The following CDKAL1 variants were observed in gnomAD, a reference collection of about 807,000 sequenced individuals.
CDKAL1 encodes the protein CDKAL1 threonylcarbamoyladenosine tRNA methylthiotransferase, also known as threonylcarbamoyladenosine tRNA methylthiotransferase.
CDKAL1 carries 32 observed loss-of-function variants against 68.2 expected under a neutral mutation model. The observed-to-expected ratio is 0.47, with a 90% CI of 0.35 to 0.63. The LOEUF is 0.63. CDKAL1 is among the 30% of genes least tolerant of loss of function. CDKAL1 has a pLI of 0.00. For synonymous variants in CDKAL1, 234 were observed against 244.3 expected, an observed-to-expected ratio of 0.96 and a Z score of 0.39; for missense variants, 606 against 696.7, an observed-to-expected ratio of 0.87 and a Z score of 1.47.
intron 6 of CDKAL1, among the ~76,000 whole-genome samples, chr6:20,753,812 A>G (rs1262847246): frequency 6.6e-6 from 1 of 152,186 alleles, no homozygotes; most frequent in Non-Finnish European, 1.5e-5. Context: ...TGACATTACT[A>G]AATTATATGG....
intron 9 of CDKAL1, among the ~76,000 whole-genome samples, chr6:20,860,687 G>C (rs1759567448): frequency 6.6e-6 from 1 of 151,972 alleles, no homozygotes; most frequent in South Asian, 2.1e-4. Context: ...AGCTGGGCGT[G>C]GTGGCACGCA....
intron 15 of CDKAL1, among the ~76,000 whole-genome samples, chr6:21,223,269 T>C (rs1488671828): frequency 2.0e-5 from 3 of 152,202 alleles, no homozygotes; most frequent in Non-Finnish European, 2.9e-5. Context: ...CTGTACTTAG[T>C]ATGAGTAAAG....
At chr6:20,619,455 G>A (rs953515746) in intron 4 of CDKAL1, among the ~76,000 whole-genome samples, 5 of 152,020 alleles carry the variant, frequency 3.3e-5, no homozygotes, top group African/African-American at 1.2e-4. Context: ...AATGTATATA[G>A]GCTTCTAAAC....
At chr6:21,179,444 G>A (rs968906750) in intron 13 of CDKAL1, among the ~76,000 whole-genome samples, 21 of 152,132 alleles carry the variant, frequency 1.4e-4, no homozygotes, top group African/African-American at 5.1e-4. Context: ...TCCTCAAGGG[G>A]CATTTATTTC....
At chr6:20,688,847 G>A (rs1311784238) in intron 5 of CDKAL1, among the ~76,000 whole-genome samples, 5 of 152,212 alleles carry the variant, frequency 3.3e-5, no homozygotes, top group African/African-American at 9.7e-5. Flanking sequence ...CTGAGAAACA[G>A]AAACTGGTAT....
chr6:20,898,805 G>A (rs1306389842), intron 9 of CDKAL1, among the ~76,000 whole-genome samples: 1 of 151,890 alleles, frequency 6.6e-6, no homozygotes, highest in Non-Finnish European at 1.5e-5. Context: ...TATGATTAAA[G>A]CTTTTATAAA....
intron 8 of CDKAL1, among the ~76,000 whole-genome samples, chr6:20,821,389 T>TC (rs770910511): frequency 6.6e-6 from 1 of 152,116 alleles, no homozygotes; most frequent in Non-Finnish European, 1.5e-5. Context: ...AGAACACTCT[T>TC]CTGCCAGCTG....
chr6:20,704,737 T>C (rs1226977044), intron 5 of CDKAL1, among the ~76,000 whole-genome samples: 1 of 152,234 alleles, frequency 6.6e-6, no homozygotes, highest in Non-Finnish European at 1.5e-5. Context: ...GTTAATTTGC[T>C]CATTGTTTCT....
At chr6:21,017,206 G>A (rs1318158031) in intron 11 of CDKAL1, among the ~76,000 whole-genome samples, 8 of 152,106 alleles carry the variant, frequency 5.3e-5, no homozygotes, top group Non-Finnish European at 1.2e-4. Flanking sequence ...TATAACATAA[G>A]GAGTATTTTT....
At chr6:20,818,824 C>T (rs1443806581) in intron 8 of CDKAL1, among the ~76,000 whole-genome samples, 1 of 151,074 alleles carries the variant, frequency 6.6e-6, no homozygotes, top group Non-Finnish European at 1.5e-5. Context: ...AATGTAATAC[C>T]CTGGGGAGTA....
intron 9 of CDKAL1, among the ~76,000 whole-genome samples, chr6:20,865,016 T>A (rs192547788): frequency 1.3e-5 from 2 of 152,296 alleles, no homozygotes; most frequent in Admixed American, 1.3e-4. Context: ...TAAATAAAAT[T>A]TTCTAAAGTG....
chr6:21,022,970 A>G (rs1768758061), intron 11 of CDKAL1, among the ~76,000 whole-genome samples: 1 of 152,192 alleles, frequency 6.6e-6, no homozygotes, highest in African/African-American at 2.4e-5. Flanking sequence ...ATCAGCATTA[A>G]TCATCCTTGT....
chr6:20,618,037 G>A (rs1767002381), intron 4 of CDKAL1, among the ~76,000 whole-genome samples: 1 of 152,152 alleles, frequency 6.6e-6, no homozygotes, highest in Non-Finnish European at 1.5e-5. Flanking sequence ...CCCACCAACG[G>A]TGTAAAAGTG....
At chr6:20,875,346 A>G (rs950810615) in intron 9 of CDKAL1, among the ~76,000 whole-genome samples, 6 of 148,232 alleles carry the variant, frequency 4.0e-5, no homozygotes, top group Non-Finnish European at 7.4e-5. Flanking sequence ...AGCCCTTTTG[A>G]TAAGTAGGTG....
intron 4 of CDKAL1, among the ~76,000 whole-genome samples, chr6:20,577,816 G>A (rs1764974906): frequency 6.6e-6 from 1 of 152,150 alleles, no homozygotes. Context: ...AAACATTGCT[G>A]TTTTGATTGG....
rs375720361 is a variant in CDKAL1, at chr6:20,842,603, G to T, written c.639-3472G>T. On this transcript the variant is annotated intron_variant, in intron 8 of 15. Coordinates refer to ENST00000274695, the MANE Select transcript of CDKAL1 (RefSeq NM_017774.3). ...TCCCAGCACTTTGGGAGGCCAAGGC[G>T]GGTGGATCACCTGAGGCTGGGAGTT... Among the ~76,000 whole-genome samples, 856 of 152,284 alleles carry T rather than the reference G, an allele frequency of 5.6e-3. 14 individuals carry two copies. Among genetic ancestry groups the T allele is most frequent in the African/African-American group, 0.019 (794 of 41,548 alleles).
At chr6:20,955,968 A>AG (rs1184172903) in intron 10 of CDKAL1, among the ~76,000 whole-genome samples, 6 of 152,174 alleles carry the variant, frequency 3.9e-5, no homozygotes, top group East Asian at 1.9e-4. Context: ...TGTGTTATCC[A>AG]AACTACTGTT....
chr6:20,887,616 GA>G (rs979957596), intron 9 of CDKAL1, among the ~76,000 whole-genome samples: 7 of 124,508 alleles, frequency 5.6e-5, no homozygotes, highest in African/African-American at 1.7e-4. Flanking sequence ...ATCTGTGGTA[GA>G]AAAAAAACTG....
intron 11 of CDKAL1, among the ~76,000 whole-genome samples, chr6:21,029,511 C>T (rs1769148851): frequency 6.6e-6 from 1 of 152,110 alleles, no homozygotes; most frequent in Non-Finnish European, 1.5e-5. Context: ...AACTTCTGCA[C>T]AGCAAAAGAA....
Sources: gnomAD v4.1 joint callset for allele counts (sites outside exome capture counted in the v4.1 genomes callset) on GRCh38, gnomAD v4.1.1 for gene constraint, MANE v1.5 for transcripts, NCBI Gene and HGNC (gene_info 2026-07-23, HGNC 2026-07-21) for gene names.